ZNF385D: variants seen among roughly 807,000 people sequenced by gnomAD.
The protein encoded by ZNF385D is zinc finger protein 659.
A neutral mutation model predicts 35.8 loss-of-function variants in ZNF385D; 15 were observed. The ratio of observed to expected loss-of-function variants is 0.42; its 90% CI spans 0.28 to 0.64. ZNF385D has a LOEUF of 0.64. Among genes scored for constraint, ZNF385D ranks in the 30% least tolerant of loss-of-function variants. The pLI, the probability that ZNF385D is intolerant of heterozygous loss-of-function variation, is 0.23. For missense variants in ZNF385D, 474 were observed against 494.6 expected, an observed-to-expected ratio of 0.96 and a Z score of 0.39; for synonymous variants, 212 against 186.8, an observed-to-expected ratio of 1.13 and a Z score of -1.10.
chr3:21,672,855 C>G (rs1268244766), intron 1 of ZNF385D, among the ~76,000 whole-genome samples: 2 of 152,110 alleles, frequency 1.3e-5, no homozygotes, highest in African/African-American at 2.4e-5. Flanking sequence ...AAAACGGGAT[C>G]TCTCACTTAT....
At chr3:21,860,187 G>T (rs192955221) in intron 3 of ZNF385D, among the ~76,000 whole-genome samples, 5 of 151,726 alleles carry the variant, frequency 3.3e-5, no homozygotes, top group South Asian at 2.1e-4. Context: ...TTTGACCAAG[G>T]TTGAGCACGT....
At chr3:21,893,109 A>G (rs1319193032) in intron 3 of ZNF385D, among the ~76,000 whole-genome samples, 3 of 152,150 alleles carry the variant, frequency 2.0e-5, no homozygotes, top group Admixed American at 6.5e-5. Flanking sequence ...CATGATATCA[A>G]GTAAGTCACG....
At chr3:21,555,481 C>G (rs916792151) in intron 3 of ZNF385D, among the ~76,000 whole-genome samples, 3 of 152,022 alleles carry the variant, frequency 2.0e-5, no homozygotes, top group Admixed American at 6.6e-5. Flanking sequence ...TTCTGTTCTT[C>G]TGTTAGTTTG....
intron 3 of ZNF385D, among the ~76,000 whole-genome samples, chr3:22,088,473 G>C (rs1701158260): frequency 6.6e-6 from 1 of 152,270 alleles, no homozygotes; most frequent in East Asian, 1.9e-4. Flanking sequence ...TGAGAGCAAA[G>C]ATGTGTATGG....
chr3:21,425,587 C>T lies in ZNF385D; in HGVS notation c.757G>A (p.Gly253Arg), dbSNP rs140291218. The T allele has an allele frequency of 1.9e-6, 3 of 1,609,328 alleles. No individual in the cohort carries two copies. The highest frequency in any genetic ancestry group is 2.5e-6 in the Non-Finnish European group (3 of 1,177,680). The change falls in exon 6 of 8, where the codon GGA (glycine) becomes AGA (arginine). Residue 253 changes from glycine (G) to arginine (R), a missense_variant. Transcript: ENST00000281523. The part of the protein sequence containing the change: ...AFPRAGVKGK[G>R]PVNKGNTGLQ... ...CCTGTGTTTCCTTTATTAACAGGTC[C>T]TTTGCCTTTCACTCCTGCCCTAGGA...
chr3:22,112,143 G>C (rs187309829), intron 3 of ZNF385D, among the ~76,000 whole-genome samples: 267 of 152,236 alleles, frequency 1.8e-3, no homozygotes, highest in Admixed American at 4.1e-3. Flanking sequence ...CAAAGTGTCA[G>C]TTTTTTAAAA....
intron 2 of ZNF385D, among the ~76,000 whole-genome samples, chr3:21,651,093 C>T (rs2065897729): frequency 6.8e-6 from 1 of 146,788 alleles, no homozygotes; most frequent in South Asian, 2.2e-4. Flanking sequence ...TCATGGCTAA[C>T]ACGGTGAAAC....
At chr3:22,108,995 G>A (rs1015454107) in intron 3 of ZNF385D, among the ~76,000 whole-genome samples, 1 of 152,140 alleles carries the variant, frequency 6.6e-6, no homozygotes, top group Non-Finnish European at 1.5e-5. Flanking sequence ...CTGGGTGACA[G>A]AGCAAGATTC....
chr3:21,502,497 A>C (rs1308727608), intron 4 of ZNF385D, among the ~76,000 whole-genome samples: 1 of 152,222 alleles, frequency 6.6e-6, no homozygotes, highest in Non-Finnish European at 1.5e-5. Flanking sequence ...AGTTATATAC[A>C]TAATATATCT....
chr3:22,028,863 G>T (rs13086174), intron 3 of ZNF385D, among the ~76,000 whole-genome samples: 1 of 151,984 alleles, frequency 6.6e-6, no homozygotes, highest in Non-Finnish European at 1.5e-5. Context: ...TGTCAACTAG[G>T]GGACTATACT....
chr3:22,279,478 T>C (rs1009120394), intron 2 of ZNF385D, among the ~76,000 whole-genome samples: 3 of 135,616 alleles, frequency 2.2e-5, no homozygotes, highest in Admixed American at 7.5e-5. Context: ...ACAGTATATA[T>C]ATATATATGG....
chr3:21,586,950 G>GATAAT (rs2063829632), intron 2 of ZNF385D, among the ~76,000 whole-genome samples: 1 of 152,194 alleles, frequency 6.6e-6, no homozygotes, highest in African/African-American at 2.4e-5. Context: ...TCAAATGAGT[G>GATAAT]ATAATATTTG....
intron 3 of ZNF385D, among the ~76,000 whole-genome samples, chr3:22,140,296 T>C (rs553672112): frequency 6.6e-6 from 1 of 152,206 alleles, no homozygotes; most frequent in African/African-American, 2.4e-5. Flanking sequence ...AAATTCATAA[T>C]GCTGCCTAAA....
intron 3 of ZNF385D, among the ~76,000 whole-genome samples, chr3:21,799,962 C>T (rs571650286): frequency 1.1e-4 from 17 of 152,116 alleles, no homozygotes; most frequent in African/African-American, 2.4e-4. Context: ...TTCATTTTTT[C>T]GCATGTAGAT....
At chr3:22,067,450 A>G (rs544398798) in intron 3 of ZNF385D, among the ~76,000 whole-genome samples, 2 of 152,344 alleles carry the variant, frequency 1.3e-5, no homozygotes, top group East Asian at 3.9e-4. Flanking sequence ...TGAAGTCACT[A>G]TAGATTTGTA....
intron 2 of ZNF385D, among the ~76,000 whole-genome samples, chr3:22,241,381 G>T (rs1192219074): frequency 1.3e-5 from 2 of 151,134 alleles, no homozygotes; most frequent in Non-Finnish European, 2.9e-5. Context: ...TATTGGTTTT[G>T]ATCTTTGCCT....
chr3:22,355,383 A>G (rs1696103956), intron 2 of ZNF385D, among the ~76,000 whole-genome samples: 2 of 152,066 alleles, frequency 1.3e-5, no homozygotes, highest in Non-Finnish European at 2.9e-5. Context: ...TACATCACAC[A>G]TATTCTTTCT....
chr3:21,798,675 T>C (rs919585860), intron 3 of ZNF385D, among the ~76,000 whole-genome samples: 6 of 152,150 alleles, frequency 3.9e-5, no homozygotes, highest in Non-Finnish European at 7.4e-5. Context: ...TAAGCAGGGA[T>C]GTGACAGCTC....
intron 3 of ZNF385D, among the ~76,000 whole-genome samples, chr3:21,840,521 T>A (rs1312296010): frequency 6.6e-6 from 1 of 151,928 alleles, no homozygotes; most frequent in Non-Finnish European, 1.5e-5. Context: ...GTATGCCCAA[T>A]ACTAAAGATT....
Sources: gnomAD v4.1 joint callset for allele counts (sites outside exome capture counted in the v4.1 genomes callset) on GRCh38, gnomAD v4.1.1 for gene constraint, MANE v1.5 for transcripts, NCBI Gene and HGNC (gene_info 2026-07-23, HGNC 2026-07-21) for gene names.